Variants in CEBPG observed in about 807,000 individuals in gnomAD.
CEBPG encodes the protein CCAAT enhancer binding protein gamma, also known as CCAAT/enhancer-binding protein gamma.
CEBPG carries 6 observed loss-of-function variants against 11.1 expected under a neutral mutation model. The observed-to-expected ratio is 0.54, with a 90% CI of 0.30 to 1.07. The LOEUF is 1.07. Ranked by LOEUF, CEBPG falls within the 50% of genes least tolerant of loss-of-function variation. The pLI, the probability that CEBPG is intolerant of heterozygous loss-of-function variation, is 0.07. For synonymous variants in CEBPG, 66 were observed against 71.0 expected (o/e 0.93, Z 0.36); for missense variants, 161 against 187.4 (o/e 0.86, Z 0.82).
At chr19:33,378,894 A>G (rs118158038) in intron 1 of CEBPG, among the ~76,000 whole-genome samples, 2,243 of 152,282 alleles carry the variant, frequency 0.015, 35 homozygotes, top group Non-Finnish European at 0.019. Context: ...CCCATTTTTG[A>G]TAACAATCGC....
intron 1 of CEBPG, 91 bp downstream of exon 1, chr19:33,373,986 AAACCCAGCCCC>A (rs2145307761): frequency 6.7e-6 from 1 of 150,164 alleles, no homozygotes; most frequent in Admixed American, 6.6e-5. Flanking sequence ...CGGCTCGGGG[AAACCCAGCCCC>A]GGCCCCAGAC....
At position 33,381,363 on chromosome 19, in the gene CEBPG, G is replaced by A. The variant is rs1483274109; in HGVS notation, c.*1671G>A. 1 of 167,068 alleles carries A rather than the reference G, an allele frequency of 6.0e-6. No individual in the cohort carries two copies. The highest frequency in any genetic ancestry group is 1.5e-5 in the Non-Finnish European group (1 of 68,138). 10.3% of individuals were successfully genotyped at this position (167,068 alleles called of 1,614,324 possible). A position where few individuals can be genotyped will look rare whatever the true frequency, so the allele number is the denominator to read the frequency against. On this transcript the variant is annotated 3_prime_UTR_variant, in exon 2 of 2. Transcript: ENST00000284000. ...TCATGGTGTCCAGCAACTCAGCAAA[G>A]CCATTCTTAAGAGTCGTGAGGTCCT...
chr19:33,380,531 C>T lies in CEBPG; in HGVS notation c.*839C>T. 1 of 167,174 alleles carries T rather than the reference C, an allele frequency of 6.0e-6. No individual in the cohort carries two copies. The allele number at this position is 167,174 out of a possible 1,614,324, so 10.4% of individuals were successfully genotyped here. A position where few individuals can be genotyped will look rare whatever the true frequency, so the allele number is the denominator to read the frequency against. On this transcript the variant is annotated 3_prime_UTR_variant, in exon 2 of 2. Transcript: ENST00000284000. The stretch of plus-strand genomic sequence containing the variant: ...AGTGTTTTTTTGGATACAATTTTGA[C>T]AACCAAGTTAGTAAACAAAATATCT...
At position 33,380,946 on chromosome 19, in the gene CEBPG, C is replaced by G. The variant is rs1164928691; in HGVS notation, c.*1254C>G. 3 of 166,970 alleles carry G rather than the reference C, an allele frequency of 1.8e-5. No homozygotes were observed. In the Admixed American group the frequency reaches 2.0e-4, roughly 11 times the overall value. 10.3% of individuals were successfully genotyped at this position (166,970 alleles called of 1,614,324 possible). A position where few individuals can be genotyped will look rare whatever the true frequency, so the allele number is the denominator to read the frequency against. ...ATTATTTCAGAAAATGCTGATAAAA[C>G]TCAGGATATTGACATTTTTGTTGAG... On this transcript the variant is annotated 3_prime_UTR_variant, in exon 2 of 2. Transcript: ENST00000284000.
rs765863293 is a variant in CEBPG at position 33,379,546 on chromosome 19, C to T, written c.307C>T (p.Arg103Trp). ...RVNQLKEENE[R>W]LEAKIKLLTK... ...CAATCAGCTCAAAGAAGAGAATGAA[C>T]GGTTGGAAGCAAAAATCAAATTGCT... Residue 103 changes from arginine (R) to tryptophan (W), a missense_variant, in exon 2 of 2, where the codon CGG becomes TGG. Coordinates refer to ENST00000284000, the MANE Select transcript of CEBPG (RefSeq NM_001806.4). The T allele has an allele frequency of 6.2e-6, 10 of 1,613,712 alleles. No homozygotes were observed. Among genetic ancestry groups the T allele is most frequent in the South Asian group, 3.3e-5 (3 of 91,038 alleles).
Position 33,380,406 on chromosome 19 carries a change from G to T in CEBPG, c.*714G>T, listed in dbSNP as rs1967970278. The T allele has an allele frequency of 6.0e-6, 1 of 166,720 alleles. No individual in the cohort carries two copies. 10.3% of individuals were successfully genotyped at this position (166,720 alleles called of 1,614,324 possible). On this transcript the variant is annotated 3_prime_UTR_variant, in exon 2 of 2. Transcript: ENST00000284000. ...ACTAAAGCATAGGAATTATGTTTTT[G>T]AGATACCTTTGGGCTTAGATTGGCA...
intron 1 of CEBPG, among the ~76,000 whole-genome samples, chr19:33,378,138 T>G (rs181705051): frequency 1.3e-3 from 192 of 152,366 alleles, no homozygotes; most frequent in Non-Finnish European, 2.2e-3. Context: ...ATAGTCACAC[T>G]TTTACACTTC....
rs766068546 is a variant in CEBPG, at chr19:33,381,378, C to T, written c.*1686C>T. On this transcript the variant is annotated 3_prime_UTR_variant, in exon 2 of 2. Coordinates refer to ENST00000284000, the MANE Select transcript of CEBPG (RefSeq NM_001806.4). ...ACTCAGCAAAGCCATTCTTAAGAGT[C>T]GTGAGGTCCTTCTGAATGTAAAACT... is the stretch of plus-strand genomic sequence containing the variant. 7 of 167,050 alleles carry T rather than the reference C, an allele frequency of 4.2e-5. No homozygotes were observed. The highest frequency in any genetic ancestry group is 7.3e-5 in the Non-Finnish European group (5 of 68,144). The allele number at this position is 167,050 out of a possible 1,614,324, so 10.3% of individuals were successfully genotyped here.
At position 33,379,744 on chromosome 19, in the gene CEBPG, A is replaced by G. The variant is rs1343399801; in HGVS notation, c.*52A>G. ...TTGTGGCTTGAATGTTAAAGGTGTGACCACCGACACCACTCATGTCAATGG... is the reference window on the plus strand; with the variant it reads ...TTGTGGCTTGAATGTTAAAGGTGTGGCCACCGACACCACTCATGTCAATGG... On this transcript the variant is annotated 3_prime_UTR_variant, in exon 2 of 2. Transcript: ENST00000284000. 1 of 1,456,768 alleles carries G rather than the reference A, an allele frequency of 6.9e-7. No homozygotes were observed. Among genetic ancestry groups the G allele is most frequent in the Admixed American group, 2.1e-5 (1 of 48,086 alleles). 90.2% of individuals were successfully genotyped at this position (1,456,768 alleles called of 1,614,324 possible).
intron 1 of CEBPG, among the ~76,000 whole-genome samples, chr19:33,378,262 C>T (rs922684513): frequency 3.9e-5 from 6 of 152,142 alleles, no homozygotes; most frequent in African/African-American, 1.4e-4. Flanking sequence ...AGAGCTGGTG[C>T]GTCCTCCGAG....
Position 33,379,208 on chromosome 19 carries a change from C to T in CEBPG, c.-32C>T. The T allele has an allele frequency of 6.6e-7, 1 of 1,505,686 alleles. No homozygotes were observed. Among genetic ancestry groups the T allele is most frequent in the Non-Finnish European group, 8.9e-7 (1 of 1,126,832 alleles). The allele number at this position is 1,505,686 out of a possible 1,614,324, so 93.3% of individuals were successfully genotyped here. On this transcript the variant is annotated 5_prime_UTR_variant, in exon 2 of 2. Transcript: ENST00000284000. ...ATTGATCACCCTGCTCTCATTTCTACCTGTTCTGTGTTGGCAAGGGAGAGT... is the reference window on the plus strand; with the variant it reads ...ATTGATCACCCTGCTCTCATTTCTATCTGTTCTGTGTTGGCAAGGGAGAGT...
In CEBPG at chr19:33,380,054, C is replaced by A. The variant is rs1967966478; in HGVS notation, c.*362C>A. 5.2e-6 allele frequency: 1 copy of A among 191,406 alleles called. No homozygotes were observed. Among genetic ancestry groups the A allele is most frequent in the Non-Finnish European group, 1.2e-5 (1 of 84,380 alleles). 11.9% of individuals were successfully genotyped at this position (191,406 alleles called of 1,614,324 possible). A position where few individuals can be genotyped will look rare whatever the true frequency, so the allele number is the denominator to read the frequency against. ...GAACTGGCAGGCCGCGCAGAAGGTT[C>A]TTGGTTTTAATGGATAGGCTGAATT... On this transcript the variant is annotated 3_prime_UTR_variant, in exon 2 of 2. Transcript: ENST00000284000.
At chr19:33,377,138 C>T (rs1027021539) in intron 1 of CEBPG, among the ~76,000 whole-genome samples, 1 of 151,882 alleles carries the variant, frequency 6.6e-6, no homozygotes, top group African/African-American at 2.4e-5. Flanking sequence ...TCTTTGGATA[C>T]GGAAACAGGC....
chr19:33,375,897 A>C (rs1366689674), intron 1 of CEBPG, among the ~76,000 whole-genome samples: 1 of 152,098 alleles, frequency 6.6e-6, no homozygotes, highest in Admixed American at 6.6e-5. Context: ...CCAGAGATGA[A>C]TTTTCACCAG....
intron 1 of CEBPG, among the ~76,000 whole-genome samples, chr19:33,376,889 A>G (rs552465873): frequency 6.6e-5 from 10 of 152,338 alleles, no homozygotes; most frequent in African/African-American, 2.4e-4. Context: ...TTACTTGGTT[A>G]ATCTTCACTT....
intron 1 of CEBPG, among the ~76,000 whole-genome samples, chr19:33,377,328 CCAAGA>C (rs1415941289): frequency 9.9e-5 from 15 of 152,274 alleles, no homozygotes; most frequent in African/African-American, 3.6e-4. Context: ...GGAGCCACAG[CCAAGA>C]CAAGAACTGG....
chr19:33,379,726 T>C lies in CEBPG; in HGVS notation c.*34T>C. 2 of 1,559,522 alleles carry C rather than the reference T, an allele frequency of 1.3e-6. No homozygotes were observed. The highest frequency in any genetic ancestry group is 1.7e-6 in the Non-Finnish European group (2 of 1,149,156). The stretch of plus-strand genomic sequence containing the variant: ...CTTTCCAGACTTTAGAGCTTGTGGC[T>C]TGAATGTTAAAGGTGTGACCACCGA... On this transcript the variant is annotated 3_prime_UTR_variant, in exon 2 of 2. Coordinates refer to ENST00000284000, the MANE Select transcript of CEBPG (RefSeq NM_001806.4).
chr19:33,375,058 C>G (rs1439211145), intron 1 of CEBPG, among the ~76,000 whole-genome samples: 1 of 152,174 alleles, frequency 6.6e-6, no homozygotes, highest in African/African-American at 2.4e-5. Context: ...GTAAACAAGG[C>G]TAAATAATTA....
chr19:33,379,920 C>T lies in CEBPG; in HGVS notation c.*228C>T. The T allele has an allele frequency of 2.2e-6, 1 of 452,298 alleles. No individual in the cohort carries two copies. The highest frequency in any genetic ancestry group is 4.0e-6 in the Non-Finnish European group (1 of 248,304). The allele number at this position is 452,298 out of a possible 1,614,324, so 28.0% of individuals were successfully genotyped here. A position where few individuals can be genotyped will look rare whatever the true frequency, so the allele number is the denominator to read the frequency against. On this transcript the variant is annotated 3_prime_UTR_variant, in exon 2 of 2. Transcript: ENST00000284000. ...GGTTTTTGTGGGAATCAAAATCCCC[C>T]AAATGTTAAGGTATATGGTAAAAAA...
Sources: allele counts gnomAD v4.1 joint callset (sites outside exome capture counted in the v4.1 genomes callset), GRCh38; gene constraint gnomAD v4.1.1; transcripts MANE v1.5; gene names NCBI Gene and HGNC (gene_info 2026-07-23, HGNC 2026-07-21).